TCF12: variants seen among roughly 807,000 people sequenced by gnomAD.
TCF12 encodes the protein DNA-binding protein HTF4.
TCF12 carries 45 observed loss-of-function variants against 86.0 expected under a neutral mutation model. The ratio of observed to expected loss-of-function variants is 0.52; its 90% CI spans 0.41 to 0.67. The LOEUF (loss-of-function observed/expected upper bound fraction) is 0.67, where lower values mean the gene tolerates loss of function less well. Ranked by LOEUF, TCF12 falls within the 30% of genes least tolerant of loss-of-function variation. The pLI is 0.00. For synonymous variants in TCF12, 330 were observed against 299.6 expected, an observed-to-expected ratio of 1.10 and a Z score of -1.05; for missense variants, 881 against 859.9, an observed-to-expected ratio of 1.02 and a Z score of -0.31.
intron 5 of TCF12, among the ~76,000 whole-genome samples, chr15:57,115,379 T>G (rs1437680528): frequency 6.6e-6 from 1 of 152,240 alleles, no homozygotes; most frequent in Admixed American, 6.5e-5. Flanking sequence ...AACATCAAAA[T>G]ATACATTCTA....
intron 3 of TCF12, among the ~76,000 whole-genome samples, chr15:56,953,843 A>G (rs1255583614): frequency 4.1e-5 from 5 of 121,010 alleles, no homozygotes; most frequent in Admixed American, 8.0e-5. Context: ...TTTTTTTTTG[A>G]TGTTCTCAAA....
intron 6 of TCF12, among the ~76,000 whole-genome samples, chr15:57,178,527 G>A (rs1003528284): frequency 1.6e-4 from 24 of 152,160 alleles, no homozygotes; most frequent in African/African-American, 5.8e-4. Context: ...TCTGAAAATA[G>A]TAGTGCTACT....
intron 6 of TCF12, among the ~76,000 whole-genome samples, chr15:57,170,305 C>G (rs974098690): frequency 6.6e-6 from 1 of 150,604 alleles, no homozygotes; most frequent in Non-Finnish European, 1.5e-5. Flanking sequence ...AGGTTTCACT[C>G]TGTCACCCAG....
chr15:56,979,437 G>C (rs1318937322), intron 3 of TCF12, among the ~76,000 whole-genome samples: 1 of 152,006 alleles, frequency 6.6e-6, no homozygotes, highest in Admixed American at 6.6e-5. Context: ...TTACTTGCTT[G>C]TTGTGAACCA....
intron 16 of TCF12, among the ~76,000 whole-genome samples, chr15:57,256,940 A>G (rs1401523119): frequency 1.3e-5 from 2 of 152,216 alleles, no homozygotes; most frequent in Non-Finnish European, 2.9e-5. Context: ...TCCTCCTAGC[A>G]TTTAGAAAAG....
intron 3 of TCF12, among the ~76,000 whole-genome samples, chr15:56,945,948 A>G (rs1267145710): frequency 6.6e-6 from 1 of 152,072 alleles, no homozygotes; most frequent in Non-Finnish European, 1.5e-5. Context: ...TTGCCGTAGT[A>G]TGATATAGCT....
At position 57,041,956 on chromosome 15, in the gene TCF12, G is replaced by T. The variant is rs115383797; in HGVS notation, c.149-21794G>T. On this transcript the variant is annotated intron_variant, in intron 3 of 20. Coordinates refer to ENST00000333725, the MANE Select transcript of TCF12 (RefSeq NM_207037.2). ...ATTACATCAAAAGTTTACTGAACAC[G>T]TTTTTTCCCTAAGCCTTGGATTGGG... Among the ~76,000 whole-genome samples, 829 of 152,166 alleles carry T rather than the reference G, an allele frequency of 5.4e-3. 17 individuals carry two copies. The highest frequency in any genetic ancestry group is 0.019 in the African/African-American group (795 of 41,516).
At chr15:57,063,486 A>G (rs1289451810) in intron 3 of TCF12, among the ~76,000 whole-genome samples, 2 of 152,196 alleles carry the variant, frequency 1.3e-5, no homozygotes, top group Admixed American at 6.5e-5. Context: ...TGGAGAGACT[A>G]TGCCCCATTC....
intron 3 of TCF12, among the ~76,000 whole-genome samples, chr15:56,921,939 G>A (rs2140178114): frequency 6.6e-6 from 1 of 152,040 alleles, no homozygotes; most frequent in Admixed American, 6.5e-5. Context: ...TGAAATTAGA[G>A]CTTATGGGGA....
At chr15:57,134,160 C>T (rs1485714793) in intron 5 of TCF12, among the ~76,000 whole-genome samples, 2 of 152,128 alleles carry the variant, frequency 1.3e-5, no homozygotes, top group Non-Finnish European at 1.5e-5. Context: ...TTTGATATTT[C>T]TTAATCTTAG....
chr15:57,253,149 G>T, intron 15 of TCF12, 113 bp from the exon 16 acceptor site: 2 of 1,145,528 alleles, frequency 1.7e-6, no homozygotes, highest in African/African-American at 1.5e-5. Context: ...GAAGCTACTT[G>T]ATACTGCATT....
At chr15:57,203,563 A>G (rs1397719520) in intron 8 of TCF12, among the ~76,000 whole-genome samples, 1 of 152,192 alleles carries the variant, frequency 6.6e-6, no homozygotes, top group East Asian at 1.9e-4. Flanking sequence ...CATATCAAAT[A>G]TTAACTCTGC....
chr15:57,148,492 A>C (rs996147306), intron 5 of TCF12, among the ~76,000 whole-genome samples: 1 of 152,100 alleles, frequency 6.6e-6, no homozygotes, highest in Non-Finnish European at 1.5e-5. Flanking sequence ...GGGGCTAACA[A>C]GCCAAACCAG....
At chr15:57,168,950 G>A (rs1484768346) in intron 6 of TCF12, among the ~76,000 whole-genome samples, 1 of 152,254 alleles carries the variant, frequency 6.6e-6, no homozygotes, top group African/African-American at 2.4e-5. Context: ...GGAAGCTGAG[G>A]CAGGAGAATC....
intron 5 of TCF12, among the ~76,000 whole-genome samples, chr15:57,164,398 C>CA (rs1222868517): frequency 6.6e-6 from 1 of 152,142 alleles, no homozygotes; most frequent in Non-Finnish European, 1.5e-5. Context: ...AACTTACAGT[C>CA]ATGGCAGAAG....
intron 13 of TCF12, among the ~76,000 whole-genome samples, chr15:57,245,728 G>A (rs1431247775): frequency 6.6e-6 from 1 of 152,150 alleles, no homozygotes; most frequent in East Asian, 1.9e-4. Context: ...GATATTTAAT[G>A]GGCGATGCTG....
At chr15:56,971,252 C>T (rs1243519256) in intron 3 of TCF12, among the ~76,000 whole-genome samples, 2 of 150,814 alleles carry the variant, frequency 1.3e-5, no homozygotes, top group African/African-American at 4.9e-5. Context: ...CGCGCAACTC[C>T]ATCTCCACTA....
intron 3 of TCF12, among the ~76,000 whole-genome samples, chr15:56,982,255 TTCAAAACTCTAAAG>T (rs1452547807): frequency 6.6e-6 from 1 of 152,190 alleles, no homozygotes; most frequent in Non-Finnish European, 1.5e-5. Flanking sequence ...TGATGAATAA[TTCAAAACTCTAAAG>T]TTTCTTTAGT....
intron 6 of TCF12, among the ~76,000 whole-genome samples, chr15:57,186,293 G>A (rs765222277): frequency 1.3e-5 from 2 of 152,148 alleles, no homozygotes; most frequent in African/African-American, 4.8e-5. Flanking sequence ...GAGCCCTGGC[G>A]TTCAAGACCA....
Sources: allele counts gnomAD v4.1 joint callset (sites outside exome capture counted in the v4.1 genomes callset), GRCh38; gene constraint gnomAD v4.1.1; transcripts MANE v1.5; gene names NCBI Gene and HGNC (gene_info 2026-07-23, HGNC 2026-07-21).